The following CHST11 variants were observed in gnomAD, a reference collection of about 807,000 sequenced individuals.
CHST11 encodes carbohydrate sulfotransferase 11.
A neutral mutation model predicts 30.4 loss-of-function variants in CHST11; 9 were observed. The ratio of observed to expected loss-of-function variants is 0.30; its 90% CI spans 0.18 to 0.52. The LOEUF (loss-of-function observed/expected upper bound fraction) is 0.52, where lower values mean the gene tolerates loss of function less well. CHST11 is among the 20% of genes least tolerant of loss of function. The pLI is 0.97. For missense variants in CHST11, 348 were observed against 460.6 expected (o/e 0.76, Z 2.24); for synonymous variants, 152 against 187.8 (o/e 0.81, Z 1.56).
chr12:104,694,787 G>A (rs928393677), intron 2 of CHST11, among the ~76,000 whole-genome samples: 36 of 152,210 alleles, frequency 2.4e-4, no homozygotes, highest in African/African-American at 6.8e-4. Context: ...ATTAAAGCTC[G>A]TTGGAGTTTC....
At chr12:104,642,817 A>G (rs1447706423) in intron 2 of CHST11, among the ~76,000 whole-genome samples, 2 of 152,044 alleles carry the variant, frequency 1.3e-5, no homozygotes, top group East Asian at 3.9e-4. Context: ...TTTTTTTTAC[A>G]ATGAACATTT....
chr12:104,641,468 A>C (rs2039376506), intron 2 of CHST11, among the ~76,000 whole-genome samples: 1 of 151,960 alleles, frequency 6.6e-6, no homozygotes, highest in South Asian at 2.1e-4. Flanking sequence ...CACCTCCTGC[A>C]CCCATTCACC....
chr12:104,681,825 CTTTTTTTTTTTTT>C (rs149441295), intron 2 of CHST11, among the ~76,000 whole-genome samples: 2 of 85,088 alleles, frequency 2.4e-5, no homozygotes, highest in Admixed American at 1.6e-4. Flanking sequence ...GTCTGTTTTG[CTTTTTTTTTTTTT>C]TTTTTTTTTT....
intron 1 of CHST11, among the ~76,000 whole-genome samples, chr12:104,579,704 G>T (rs1400547476): frequency 1.3e-5 from 2 of 152,192 alleles, no homozygotes; most frequent in Non-Finnish European, 2.9e-5. Flanking sequence ...GCAGGGGAGG[G>T]CACATCCACA....
intron 1 of CHST11, among the ~76,000 whole-genome samples, chr12:104,532,650 C>T (rs1240959901): frequency 6.6e-6 from 1 of 152,118 alleles, no homozygotes; most frequent in East Asian, 1.9e-4. Flanking sequence ...CCAAAACAAG[C>T]AGATTTCTAG....
chr12:104,528,401 C>T (rs528316778), intron 1 of CHST11, among the ~76,000 whole-genome samples: 11 of 152,288 alleles, frequency 7.2e-5, no homozygotes, highest in Admixed American at 2.6e-4. Context: ...TCTTCAGGTG[C>T]TCAATCACAT....
At chr12:104,680,636 C>T (rs1420262716) in intron 2 of CHST11, among the ~76,000 whole-genome samples, 1 of 152,214 alleles carries the variant, frequency 6.6e-6, no homozygotes, top group East Asian at 1.9e-4. Context: ...TGCACCTGCT[C>T]CATGTGGGAA....
At chr12:104,691,358 A>G (rs2039894779) in intron 2 of CHST11, among the ~76,000 whole-genome samples, 1 of 151,676 alleles carries the variant, frequency 6.6e-6, no homozygotes, top group East Asian at 1.9e-4. Flanking sequence ...CAGTTCATCC[A>G]CTGTTAGATG....
At chr12:104,698,784 T>C (rs1172558880) in intron 2 of CHST11, among the ~76,000 whole-genome samples, 1 of 152,268 alleles carries the variant, frequency 6.6e-6, no homozygotes, top group Non-Finnish European at 1.5e-5. Context: ...ACATAGCATG[T>C]GCAAATGAAT....
At chr12:104,673,453 C>T (rs1345086149) in intron 2 of CHST11, among the ~76,000 whole-genome samples, 1 of 152,174 alleles carries the variant, frequency 6.6e-6, no homozygotes, top group Non-Finnish European at 1.5e-5. Context: ...AAGTAACTTA[C>T]CCTCTTTGGG....
intron 1 of CHST11, among the ~76,000 whole-genome samples, chr12:104,547,257 G>A (rs758219680): frequency 7.2e-5 from 11 of 152,180 alleles, no homozygotes; most frequent in Non-Finnish European, 1.5e-4. Context: ...AGGCAGATGG[G>A]CCAAGGAGAT....
chr12:104,684,817 G>A (rs1288824349), intron 2 of CHST11, among the ~76,000 whole-genome samples: 2 of 152,158 alleles, frequency 1.3e-5, no homozygotes, highest in South Asian at 2.1e-4. Flanking sequence ...CCAAAGTGCT[G>A]GGATTACAGG....
intron 2 of CHST11, among the ~76,000 whole-genome samples, chr12:104,710,144 G>C (rs1566048367): frequency 6.6e-6 from 1 of 152,318 alleles, no homozygotes; most frequent in East Asian, 1.9e-4. Flanking sequence ...AGTCTGCAGA[G>C]AGCCATGATT....
chr12:104,645,768 C>T (rs1220769595), intron 2 of CHST11, among the ~76,000 whole-genome samples: 1 of 149,528 alleles, frequency 6.7e-6, no homozygotes, highest in Non-Finnish European at 1.5e-5. Flanking sequence ...GATAAACAAA[C>T]CTCAAACAAG....
chr12:104,475,658 T>TTATATATATATA (rs67453124), intron 1 of CHST11, among the ~76,000 whole-genome samples: 873 of 33,686 alleles, frequency 0.026, 53 homozygotes, highest in Non-Finnish European at 0.037. Context: ...TAAAGCAGCA[T>TTATATATATATA]TATATATATA....
In CHST11 at chr12:104,488,429, G is replaced by T. The variant is rs988554000; in HGVS notation, c.118+30900G>T. 2.7e-5 allele frequency among the ~76,000 whole-genome samples: 4 copies of T among 149,352 alleles called. No individual in the cohort carries two copies. In the Admixed American group the frequency reaches 2.7e-4, roughly 10 times the overall value. On this transcript the variant is annotated intron_variant, in intron 1 of 2. Transcript: ENST00000303694. ...CAGGTATGTGTATGTGTCTATGTAT[G>T]TGTATGCATGTATGTATGTGTGTAT...
chr12:104,659,329 G>A (rs375294167), intron 2 of CHST11, among the ~76,000 whole-genome samples: 98 of 152,276 alleles, frequency 6.4e-4, no homozygotes, highest in African/African-American at 2.3e-3. Flanking sequence ...TGAGGGGCTG[G>A]CACATGATAA....
intron 2 of CHST11, among the ~76,000 whole-genome samples, chr12:104,647,844 T>C (rs1332565840): frequency 6.6e-6 from 1 of 152,184 alleles, no homozygotes; most frequent in Non-Finnish European, 1.5e-5. Context: ...GAAGACTGGA[T>C]TGGAGCTTTC....
At chr12:104,523,125 A>G (rs1430808558) in intron 1 of CHST11, among the ~76,000 whole-genome samples, 1 of 152,258 alleles carries the variant, frequency 6.6e-6, no homozygotes, top group Non-Finnish European at 1.5e-5. Flanking sequence ...ATATCTGTTC[A>G]GGCCACCATA....
Sources: allele counts gnomAD v4.1 joint callset (sites outside exome capture counted in the v4.1 genomes callset), GRCh38; gene constraint gnomAD v4.1.1; transcripts MANE v1.5; gene names NCBI Gene and HGNC (gene_info 2026-07-23, HGNC 2026-07-21).